The following TNFAIP8L3 variants were observed in gnomAD, a reference collection of about 807,000 sequenced individuals.
The protein encoded by TNFAIP8L3 is tumor necrosis factor alpha-induced protein 8-like protein 3.
TNFAIP8L3 carries 7 observed loss-of-function variants against 11.8 expected under a neutral mutation model. That is an observed-to-expected ratio of 0.59 (90% CI 0.34 to 1.11). The LOEUF is 1.11. TNFAIP8L3 is among the 50% of genes most tolerant of loss of function. The pLI is 0.03. For missense variants in TNFAIP8L3, 219 were observed against 258.6 expected (o/e 0.85, Z 1.05); for synonymous variants, 98 against 103.8 (o/e 0.94, Z 0.34).
intron 1 of TNFAIP8L3, among the ~76,000 whole-genome samples, chr15:51,088,649 C>G (rs1297181861): frequency 6.6e-6 from 1 of 152,220 alleles, no homozygotes; most frequent in East Asian, 1.9e-4. Flanking sequence ...CCACTTTAAT[C>G]TGGCAACCGA....
In TNFAIP8L3 at chr15:51,057,794, G is replaced by T. The variant is rs1595602979; in HGVS notation, c.*87C>A. 8.5e-7 allele frequency: 1 copy of T among 1,172,952 alleles called. No individual in the cohort carries two copies. Among genetic ancestry groups the T allele is most frequent in the Non-Finnish European group, 1.2e-6 (1 of 829,448 alleles). The allele number at this position is 1,172,952 out of a possible 1,614,324, so 72.7% of individuals were successfully genotyped here. A position where few individuals can be genotyped will look rare whatever the true frequency, so the allele number is the denominator to read the frequency against. ...AAGAACATGGACATCTTTGACAAGG[G>T]TTTCTGCTTATGTTCTTGATTCTCA... On this transcript the variant is annotated 3_prime_UTR_variant, in exon 2 of 2. Transcript: ENST00000637513.
intron 1 of TNFAIP8L3, among the ~76,000 whole-genome samples, chr15:51,060,903 A>G (rs184067605): frequency 6.6e-6 from 1 of 152,336 alleles, no homozygotes; most frequent in East Asian, 1.9e-4. Flanking sequence ...TGGGAGGCTG[A>G]GGCGGGTGGA....
At chr15:51,067,434 G>C (rs780641260) in intron 1 of TNFAIP8L3, among the ~76,000 whole-genome samples, 16 of 152,176 alleles carry the variant, frequency 1.1e-4, no homozygotes, top group Non-Finnish European at 1.9e-4. Context: ...ATGACTTAAA[G>C]GGTAGCAGCC....
intron 1 of TNFAIP8L3, among the ~76,000 whole-genome samples, chr15:51,080,029 A>C (rs963402651): frequency 6.6e-6 from 1 of 152,166 alleles, no homozygotes; most frequent in Non-Finnish European, 1.5e-5. Flanking sequence ...CTCTATATTT[A>C]AATTACATGC....
intron 1 of TNFAIP8L3, among the ~76,000 whole-genome samples, chr15:51,070,541 A>G (rs564543000): frequency 5.3e-5 from 8 of 152,176 alleles, no homozygotes; most frequent in South Asian, 4.1e-4. Flanking sequence ...AACCAAGGCA[A>G]AGAGAGATTA....
chr15:51,099,519 C>A (rs1009882), upstream of TNFAIP8L3, among the ~76,000 whole-genome samples: 1 of 152,094 alleles, frequency 6.6e-6, no homozygotes, highest in South Asian at 2.1e-4. Context: ...CTAGCCCAAC[C>A]CTATGGGGTT....
chr15:51,071,580 T>C (rs1451259651), intron 1 of TNFAIP8L3, among the ~76,000 whole-genome samples: 1 of 152,262 alleles, frequency 6.6e-6, no homozygotes, highest in African/African-American at 2.4e-5. Flanking sequence ...TGTTTAATCA[T>C]TTAGTTGCTT....
At chr15:51,105,259 G>A in exon 1 of TNFAIP8L3, 5 of 1,442,204 alleles carry the variant, frequency 3.5e-6, no homozygotes, top group Non-Finnish European at 4.7e-6. Flanking sequence ...CCCATTACTT[G>A]AGGTAAGACT....
intron 1 of TNFAIP8L3, among the ~76,000 whole-genome samples, chr15:51,081,427 G>A (rs376720202): frequency 3.9e-5 from 6 of 152,298 alleles, no homozygotes; most frequent in African/African-American, 9.6e-5. Flanking sequence ...CAGCCATGAC[G>A]GGACTCAGTG....
chr15:51,104,020 G>A lies in TNFAIP8L3; in HGVS notation c.172+985C>T, dbSNP rs139365003. ...GTGCAGAGTGGAGGGTGAGGTCAGT[G>A]CAACCATTCTCACCTCAATCACGTC... On this transcript the variant is annotated intron_variant, in intron 1 of 2. Coordinates refer to the TNFAIP8L3 transcript ENST00000327536. 3.0e-4 allele frequency among the ~76,000 whole-genome samples: 45 copies of A among 152,266 alleles called. No individual in the cohort carries two copies. In the East Asian group the frequency reaches 6.8e-3, roughly 23 times the overall value.
chr15:51,088,657 C>T lies in TNFAIP8L3; in HGVS notation c.52+5887G>A, dbSNP rs370989437. Reference sequence around the variant, plus strand: ...AGAATGGCCACTTTAATCTGGCAACCGAAACTGCCCCAAAGAGGTCTAGAC... The same window carrying T: ...AGAATGGCCACTTTAATCTGGCAACTGAAACTGCCCCAAAGAGGTCTAGAC... On this transcript the variant is annotated intron_variant, in intron 1 of 1. Transcript: ENST00000637513. 1.4e-4 allele frequency among the ~76,000 whole-genome samples: 21 copies of T among 152,306 alleles called. No homozygotes were observed. In the East Asian group the frequency reaches 2.9e-3, roughly 21 times the overall value.
intron 1 of TNFAIP8L3, among the ~76,000 whole-genome samples, chr15:51,104,372 CG>C (rs1567300412): frequency 6.6e-6 from 1 of 152,134 alleles, no homozygotes; most frequent in East Asian, 1.9e-4. Flanking sequence ...ATCCTAAAGC[CG>C]GCCTCTTTAC....
At chr15:51,103,969 AC>A (rs2065571181) in intron 1 of TNFAIP8L3, among the ~76,000 whole-genome samples, 1 of 152,140 alleles carries the variant, frequency 6.6e-6, no homozygotes, top group South Asian at 2.1e-4. Context: ...ACCAGGAATC[AC>A]TTCCCAACGT....
At chr15:51,095,751 T>C (rs1388342102), upstream of TNFAIP8L3, among the ~76,000 whole-genome samples, 8 of 152,342 alleles carry the variant, frequency 5.3e-5, no homozygotes, top group African/African-American at 7.2e-5. Context: ...TTGTTAATTC[T>C]TGGTTATCTA....
rs1435487407 is a variant in TNFAIP8L3, at chr15:51,087,921, A to ATATATATATATACCTT, written c.52+6622_52+6623insAAGGTATATATATATA. ...AATAAAATTTTTCTAGCATACCTTTATATATATATATATATATATATGGGA... is the reference window on the plus strand; with the variant it reads ...AATAAAATTTTTCTAGCATACCTTTATATATATATATACCTTTATATATATATATATATATATGGGA... On this transcript the variant is annotated intron_variant, in intron 1 of 1. Coordinates refer to ENST00000637513, the MANE Select transcript of TNFAIP8L3 (RefSeq NM_001311175.2). Among the ~76,000 whole-genome samples, 579 of 69,500 alleles carry ATATATATATATACCTT rather than the reference A, an allele frequency of 8.3e-3. 52 individuals carry two copies. The highest frequency in any genetic ancestry group is 0.037 in the African/African-American group (560 of 15,174). 45.6% of individuals were successfully genotyped at this position (69,500 alleles called of 152,430 possible).
chr15:51,103,991 G>T (rs550215598), intron 1 of TNFAIP8L3, among the ~76,000 whole-genome samples: 6 of 152,266 alleles, frequency 3.9e-5, no homozygotes, highest in Admixed American at 3.3e-4. Context: ...GCTCTCCTCC[G>T]CTAGTGCAGA....
chr15:51,096,077 C>T (rs1033830007), upstream of TNFAIP8L3, among the ~76,000 whole-genome samples: 6 of 152,128 alleles, frequency 3.9e-5, no homozygotes, highest in African/African-American at 1.4e-4. Context: ...GGAAAAGTCT[C>T]AGAGACAGCA....
chr15:51,101,184 A>T (rs575676656), intron 1 of TNFAIP8L3, among the ~76,000 whole-genome samples: 1 of 152,300 alleles, frequency 6.6e-6, no homozygotes, highest in East Asian at 1.9e-4. Flanking sequence ...GGCTCCAGTA[A>T]CAGCACCTCC....
intron 1 of TNFAIP8L3, among the ~76,000 whole-genome samples, chr15:51,103,555 C>A (rs1482588445): frequency 1.3e-5 from 2 of 152,194 alleles, no homozygotes; most frequent in African/African-American, 4.8e-5. Context: ...TTTATTGAAG[C>A]TCTTTCAGGA....
Sources: allele counts gnomAD v4.1 joint callset (sites outside exome capture counted in the v4.1 genomes callset), GRCh38; gene constraint gnomAD v4.1.1; transcripts MANE v1.5; gene names NCBI Gene and HGNC (gene_info 2026-07-23, HGNC 2026-07-21).